The following SPOCK3 variants were observed in gnomAD, a reference collection of about 807,000 sequenced individuals.
SPOCK3 encodes SPARC (osteonectin), cwcv and kazal like domains proteoglycan 3.
SPOCK3 carries 30 observed loss-of-function variants against 56.6 expected under a neutral mutation model. The ratio of observed to expected loss-of-function variants is 0.53; its 90% CI spans 0.40 to 0.72. The LOEUF is 0.72. SPOCK3 is among the 30% of genes least tolerant of loss of function. SPOCK3 has a pLI of 0.00. For missense variants in SPOCK3, 527 were observed against 530.0 expected, an observed-to-expected ratio of 0.99 and a Z score of 0.06; for synonymous variants, 196 against 183.3, an observed-to-expected ratio of 1.07 and a Z score of -0.56.
chr4:167,162,750 T>C (rs574203287), intron 2 of SPOCK3, among the ~76,000 whole-genome samples: 48 of 152,202 alleles, frequency 3.2e-4, no homozygotes, highest in Admixed American at 2.8e-3. Context: ...CAAATGCCAA[T>C]TGTATTTACT....
At chr4:167,231,500 AATC>A (rs1737176525) in intron 2 of SPOCK3, among the ~76,000 whole-genome samples, 1 of 152,126 alleles carries the variant, frequency 6.6e-6, no homozygotes, top group Admixed American at 6.6e-5. Context: ...TGAGTACATA[AATC>A]ATTATTTGAG....
chr4:167,201,307 AATG>A (rs1260614912), intron 2 of SPOCK3, among the ~76,000 whole-genome samples: 9 of 152,118 alleles, frequency 5.9e-5, no homozygotes, highest in South Asian at 2.1e-4. Context: ...TATTTGAAAT[AATG>A]ATGATGATTG....
At chr4:167,007,313 T>A (rs1749564161) in intron 3 of SPOCK3, among the ~76,000 whole-genome samples, 1 of 152,184 alleles carries the variant, frequency 6.6e-6, no homozygotes, top group South Asian at 2.1e-4. Flanking sequence ...TTCCAAATAA[T>A]CTACACACAT....
At chr4:166,863,296 T>C (rs907336030) in intron 6 of SPOCK3, among the ~76,000 whole-genome samples, 5 of 151,592 alleles carry the variant, frequency 3.3e-5, no homozygotes, top group Admixed American at 3.3e-4. Context: ...CCACTAAACA[T>C]GGAAAGGAAA....
At chr4:166,926,092 G>T (rs1474822998) in intron 4 of SPOCK3, among the ~76,000 whole-genome samples, 1 of 152,040 alleles carries the variant, frequency 6.6e-6, no homozygotes, top group Non-Finnish European at 1.5e-5. Flanking sequence ...ATTTTTATAG[G>T]AAAATTATTA....
chr4:167,094,473 T>A (rs1242748886), intron 2 of SPOCK3, among the ~76,000 whole-genome samples: 1 of 151,970 alleles, frequency 6.6e-6, no homozygotes, highest in Non-Finnish European at 1.5e-5. Context: ...AATTCATACA[T>A]CAATCCATGT....
At chr4:167,122,266 T>C (rs13109171) in intron 2 of SPOCK3, among the ~76,000 whole-genome samples, 8,977 of 152,062 alleles carry the variant, frequency 0.059, 340 homozygotes, top group Middle Eastern at 0.092. Flanking sequence ...AAGTAATCCT[T>C]CTAGCTCAGC....
intron 2 of SPOCK3, among the ~76,000 whole-genome samples, chr4:167,081,798 A>G (rs1164099537): frequency 2.0e-5 from 3 of 152,038 alleles, no homozygotes; most frequent in East Asian, 1.9e-4. Context: ...GAGAAAATAT[A>G]TAGATACAGA....
rs370934224 is a variant in SPOCK3 at position 166,915,531 on chromosome 4, C to T, written c.351-2788G>A. 1.1e-4 allele frequency among the ~76,000 whole-genome samples: 16 copies of T among 152,126 alleles called. No individual in the cohort carries two copies. In the East Asian group the frequency reaches 1.7e-3, roughly 17 times the overall value. On this transcript the variant is annotated intron_variant, in intron 4 of 10. Transcript: ENST00000357545. ...TAAACATATATAAATTATATATACA[C>T]GGAAATCATCTGTTGTTGGTCGGTT...
At chr4:166,747,414 G>C (rs1735779541) in intron 8 of SPOCK3, among the ~76,000 whole-genome samples, 1 of 152,088 alleles carries the variant, frequency 6.6e-6, no homozygotes, top group African/African-American at 2.4e-5. Context: ...TGCAGAAAAG[G>C]CCTTTGACAA....
At chr4:166,994,362 G>A (rs1346476098) in intron 4 of SPOCK3, among the ~76,000 whole-genome samples, 1 of 152,076 alleles carries the variant, frequency 6.6e-6, no homozygotes, top group African/African-American at 2.4e-5. Context: ...CAGAGCTTGG[G>A]TAACCTGTCC....
intron 2 of SPOCK3, among the ~76,000 whole-genome samples, chr4:167,075,313 C>T (rs76533706): frequency 9.9e-5 from 15 of 151,902 alleles, no homozygotes; most frequent in South Asian, 4.2e-4. Context: ...ATAATTTTTC[C>T]GTCAAGTTGC....
chr4:166,845,831 A>G (rs1747998934), intron 6 of SPOCK3, among the ~76,000 whole-genome samples: 1 of 152,168 alleles, frequency 6.6e-6, no homozygotes, highest in Non-Finnish European at 1.5e-5. Flanking sequence ...TCACTTAATT[A>G]TGGGAATAGG....
At chr4:167,109,041 C>T (rs181327853) in intron 2 of SPOCK3, among the ~76,000 whole-genome samples, 410 of 670 alleles carry the variant, frequency 0.61, 134 homozygotes, top group Middle Eastern at 1. Flanking sequence ...TAAATATATA[C>T]TTATATAAAA....
At chr4:166,891,733 A>ACTGTATCTT (rs1734808438) in intron 5 of SPOCK3, among the ~76,000 whole-genome samples, 1 of 152,044 alleles carries the variant, frequency 6.6e-6, no homozygotes, top group African/African-American at 2.4e-5. Flanking sequence ...AATATTCTGC[A>ACTGTATCTT]CTGTATCTTC....
intron 6 of SPOCK3, among the ~76,000 whole-genome samples, chr4:166,882,467 ATGACCAC>A (rs1226912418): frequency 1.3e-5 from 2 of 152,174 alleles, no homozygotes; most frequent in African/African-American, 2.4e-5. Flanking sequence ...TATTTTGACT[ATGACCAC>A]TGCTTTTAGG....
chr4:167,010,325 A>G (rs1749905575), intron 3 of SPOCK3, among the ~76,000 whole-genome samples: 1 of 151,932 alleles, frequency 6.6e-6, no homozygotes, highest in African/African-American at 2.4e-5. Context: ...GTTTGAGGCT[A>G]CCCTGGGCAA....
intron 4 of SPOCK3, among the ~76,000 whole-genome samples, chr4:166,966,762 T>C (rs1436038825): frequency 1.3e-5 from 2 of 152,164 alleles, no homozygotes; most frequent in Non-Finnish European, 2.9e-5. Context: ...ATTACAATAA[T>C]AACATTATTA....
intron 2 of SPOCK3, among the ~76,000 whole-genome samples, chr4:167,172,885 C>T (rs1019596618): frequency 6.6e-6 from 1 of 152,046 alleles, no homozygotes; most frequent in African/African-American, 2.4e-5. Flanking sequence ...TTTTCAAGAG[C>T]ACATTACTTT....
Sources: allele counts gnomAD v4.1 joint callset (sites outside exome capture counted in the v4.1 genomes callset), GRCh38; gene constraint gnomAD v4.1.1; transcripts MANE v1.5; gene names NCBI Gene and HGNC (gene_info 2026-07-23, HGNC 2026-07-21).